Variants in AGAP2 observed in about 807,000 individuals in gnomAD.
AGAP2 encodes ArfGAP with GTPase domain, ankyrin repeat and PH domain 2.
Under a neutral mutation model 110.9 loss-of-function variants are expected in AGAP2, and 32 were observed. That is an observed-to-expected ratio of 0.29 (90% CI 0.22 to 0.39). AGAP2 has a LOEUF of 0.39. AGAP2 is among the 10% of genes least tolerant of loss of function. The pLI is 1.00. For synonymous variants in AGAP2, 702 were observed against 713.0 expected (o/e 0.98, Z 0.25); for missense variants, 1,285 against 1,638.5 (o/e 0.78, Z 3.72).
upstream of AGAP2, among the ~76,000 whole-genome samples, chr12:57,740,262 G>A (rs369398003): frequency 3.9e-5 from 6 of 152,250 alleles, no homozygotes; most frequent in East Asian, 9.7e-4. Flanking sequence ...TGTTCTCCCA[G>A]AGGCCTGTAT....
intron 2 of AGAP2, 63 bp from the exon 3 acceptor site, chr12:57,734,742 G>C: frequency 6.8e-7 from 1 of 1,470,836 alleles, no homozygotes; most frequent in Non-Finnish European, 9.5e-7. Context: ...GCATGGGTCT[G>C]GACACTCCAG....
intron 3 of AGAP2, 25 bp from the exon 4 acceptor site, chr12:57,734,429 A>G (rs1565795812): frequency 6.2e-7 from 1 of 1,613,028 alleles, no homozygotes; most frequent in South Asian, 1.1e-5. Flanking sequence ...TGGAAGGGGT[A>G]ACAGGTCAGA....
At position 57,737,908 on chromosome 12, in the gene AGAP2, G is replaced by A; in HGVS notation, c.339C>T (p.Ser113=). The A allele has an allele frequency of 7.2e-7, 1 of 1,394,218 alleles. No homozygotes were observed. The highest frequency in any genetic ancestry group is 2.9e-5 in the East Asian group (1 of 33,916). 86.4% of individuals were successfully genotyped at this position (1,394,218 alleles called of 1,614,324 possible). Residue 113 remains serine, a synonymous_variant, in exon 1 of 19, where the codon TCC becomes TCT. Transcript: ENST00000547588. The surrounding 1 kb of genome is among the most constrained non-coding windows in gnomAD (Gnocchi z 5.9). ...PVSPAPGRRL[S]LWAVPPGPPL... is the part of the protein sequence containing the mutation. ...GGGGTCCCGGAGGGACGGCCCAGAG[G>A]GAGAGGCGGCGGCCGGGAGCGGGGG...
Sources: gnomAD v4.1 joint callset for allele counts (sites outside exome capture counted in the v4.1 genomes callset) on GRCh38, gnomAD v4.1.1 for gene constraint, Gnocchi (gnomAD v3.1) non-coding constraint, MANE v1.5 for transcripts, NCBI Gene and HGNC (gene_info 2026-07-23, HGNC 2026-07-21) for gene names.